SLC25A18: variants seen among roughly 807,000 people sequenced by gnomAD.
The protein encoded by SLC25A18 is mitochondrial glutamate carrier 2.
Under a neutral mutation model 31.1 loss-of-function variants are expected in SLC25A18, and 24 were observed. That is an observed-to-expected ratio of 0.77 (90% CI 0.56 to 1.08). The LOEUF (loss-of-function observed/expected upper bound fraction) is 1.08. Among genes scored for constraint, SLC25A18 ranks in the 50% least tolerant of loss-of-function variants. SLC25A18 has a pLI of 0.00. For missense variants in SLC25A18, 371 were observed against 418.5 expected (o/e 0.89, Z 0.99); for synonymous variants, 173 against 161.9 (o/e 1.07, Z -0.52).
Position 17,569,588 on chromosome 22 carries a change from C to T in SLC25A18, c.-263-336C>T, listed in dbSNP as rs745837829. 135 of 984,744 alleles carry T rather than the reference C, an allele frequency of 1.4e-4. 1 individual carries two copies. In the Middle Eastern group the frequency reaches 2.6e-3, roughly 19 times the overall value. 61.0% of individuals were successfully genotyped at this position (984,744 alleles called of 1,614,324 possible). On this transcript the variant is annotated intron_variant, in intron 1 of 10. Coordinates refer to ENST00000327451, the MANE Select transcript of SLC25A18 (RefSeq NM_031481.3). ...GCATTGATTTTCAGTGTTTGTCCTCCTCCCTGGCTTCCAGGTCTCTGAGTG... is the reference window on the plus strand; with the variant it reads ...GCATTGATTTTCAGTGTTTGTCCTCTTCCCTGGCTTCCAGGTCTCTGAGTG...
Position 17,587,220 on chromosome 22 carries a change from C to T in SLC25A18, c.494C>T (p.Ser165Phe). The T allele has an allele frequency of 6.2e-7, 1 of 1,614,164 alleles. No individual in the cohort carries two copies. The highest frequency in any genetic ancestry group is 8.5e-7 in the Non-Finnish European group (1 of 1,180,048). The stretch of plus-strand genomic sequence containing the variant: ...TCGGCTTCCACCCACAGGCGCCCCT[C>T]TGCCACCCTCATTGCCTGGGAGCTG... The part of the protein sequence containing the change: ...TGSASTHRRP[S>F]ATLIAWELLR... The change falls in exon 8 of 11, where the codon TCT becomes TTT. Residue 165 changes from serine (S) to phenylalanine (F), a missense_variant. Physicochemically the swap from Ser to Phe is radical, Grantham distance 155 (BLOSUM62 -2). Transcript: ENST00000327451.
At chr22:17,567,201 AC>A (rs1404874669) in intron 1 of SLC25A18, among the ~76,000 whole-genome samples, 1 of 152,186 alleles carries the variant, frequency 6.6e-6, no homozygotes, top group African/African-American at 2.4e-5. Flanking sequence ...GCATGTGAAT[AC>A]CTTTTATGTG....
intron 1 of SLC25A18, 143 bp downstream of exon 1, chr22:17,563,856 AG>A (rs2056866664): frequency 2.6e-6 from 1 of 381,042 alleles, no homozygotes; most frequent in Admixed American, 6.4e-5. Context: ...ACTGGACTCT[AG>A]TGAGGTGCTA....
chr22:17,588,151 A>C (rs1601350255), intron 9 of SLC25A18, 72 bp downstream of exon 9: 2 of 1,566,702 alleles, frequency 1.3e-6, no homozygotes, highest in Admixed American at 1.9e-5. Flanking sequence ...AAACAGCCTG[A>C]CCCTGGAAGC....
intron 1 of SLC25A18, among the ~76,000 whole-genome samples, chr22:17,568,260 G>A (rs1569174875): frequency 6.6e-6 from 1 of 151,590 alleles, no homozygotes; most frequent in Non-Finnish European, 1.5e-5. Flanking sequence ...CCAGCTACTC[G>A]GGAGGCTGAG....
intron 2 of SLC25A18, chr22:17,570,298 GGGACGT>G (rs1601267042): frequency 1.3e-5 from 2 of 152,354 alleles, no homozygotes; most frequent in African/African-American, 4.8e-5. Flanking sequence ...GAAGTAGGCG[GGGACGT>G]GGTCATCACC....
chr22:17,567,152 A>T (rs1290096793), intron 1 of SLC25A18, among the ~76,000 whole-genome samples: 1 of 152,232 alleles, frequency 6.6e-6, no homozygotes, highest in South Asian at 2.1e-4. Flanking sequence ...ACAGAGCAAG[A>T]CACTGTCTCA....
In SLC25A18 at chr22:17,587,130, T is replaced by A. The variant is rs2057572812; in HGVS notation, c.410-6T>A. On this transcript the variant is annotated splice_region_variant and splice_polypyrimidine_tract_variant and intron_variant, in intron 7 of 10. Transcript: ENST00000327451. ...CAGGTACTGATGTCTGTCCTTTCCC[T>A]TCCAGCCGTCCATCATCAGGGCTCG... is the stretch of plus-strand genomic sequence containing the variant. 1 of 1,613,446 alleles carries A rather than the reference T, an allele frequency of 6.2e-7. No homozygotes were observed. The highest frequency in any genetic ancestry group is 1.3e-5 in the African/African-American group (1 of 74,916).
chr22:17,572,770 T>A (rs2057129883), intron 2 of SLC25A18, among the ~76,000 whole-genome samples: 1 of 144,314 alleles, frequency 6.9e-6, no homozygotes, highest in Non-Finnish European at 1.5e-5. Context: ...GCCTCCCGAG[T>A]AGCTGGGACT....
At chr22:17,572,492 A>AG (rs1280936135) in intron 2 of SLC25A18, among the ~76,000 whole-genome samples, 2 of 151,018 alleles carry the variant, frequency 1.3e-5, no homozygotes, top group Non-Finnish European at 2.9e-5. Context: ...TCTCAAAAAA[A>AG]AAAAAAAGAA....
chr22:17,569,400 C>T (rs999663398), intron 1 of SLC25A18, among the ~76,000 whole-genome samples: 1 of 152,168 alleles, frequency 6.6e-6, no homozygotes, highest in African/African-American at 2.4e-5. Context: ...CACGTGATAG[C>T]CCCCAACAAA....
intron 2 of SLC25A18, among the ~76,000 whole-genome samples, chr22:17,578,204 C>T (rs956424938): frequency 1.5e-4 from 23 of 152,128 alleles, no homozygotes; most frequent in African/African-American, 5.3e-4. Flanking sequence ...CTCCTGGGCT[C>T]AGGCGATCCA....
intron 10 of SLC25A18, 62 bp downstream of exon 10, chr22:17,589,727 T>A: frequency 6.6e-7 from 1 of 1,507,942 alleles, no homozygotes; most frequent in Non-Finnish European, 9.2e-7. Flanking sequence ...GGTGTCTGCC[T>A]AGACCAGATT....
rs8141307 is a variant in SLC25A18, at chr22:17,584,805, A to T, written c.409+1271A>T. On this transcript the variant is annotated intron_variant, in intron 7 of 10. Transcript: ENST00000327451. The stretch of plus-strand genomic sequence containing the variant: ...TCAAAAAAAAAAAAAAAAAAAAAAA[A>T]AAAGAAATGCCAATGACTGGCTCAC... 2.3e-3 allele frequency among the ~76,000 whole-genome samples: 351 copies of T among 151,378 alleles called. 1 individual carries two copies. Among genetic ancestry groups the T allele is most frequent in the African/African-American group, 4.7e-3 (194 of 41,266 alleles).
At chr22:17,579,336 C>T (rs2057313217) in intron 2 of SLC25A18, among the ~76,000 whole-genome samples, 1 of 152,184 alleles carries the variant, frequency 6.6e-6, no homozygotes, top group Non-Finnish European at 1.5e-5. Flanking sequence ...ATCCGCCCGC[C>T]TCGGCCTCCC....
chr22:17,570,571 G>A lies in SLC25A18; in HGVS notation c.-201+585G>A, dbSNP rs409842. ...ATGATGGCGGCTCACCGCAACCTCC[G>A]CCTCCTGGGTTCAAGCAATTCTCCT... On this transcript the variant is annotated intron_variant, in intron 2 of 10. Coordinates refer to ENST00000327451, the MANE Select transcript of SLC25A18 (RefSeq NM_031481.3). Among the ~76,000 whole-genome samples, 17 of 152,118 alleles carry A rather than the reference G, an allele frequency of 1.1e-4. No individual in the cohort carries two copies. In the East Asian group the frequency reaches 2.9e-3, roughly 26 times the overall value.
chr22:17,579,440 A>C (rs1002377048), intron 2 of SLC25A18, among the ~76,000 whole-genome samples: 13 of 152,222 alleles, frequency 8.5e-5, no homozygotes, highest in African/African-American at 3.1e-4. Flanking sequence ...TTCCTAGTTC[A>C]TAGCAACTCC....
At chr22:17,584,186 G>C (rs899353220) in intron 7 of SLC25A18, 1 of 437,454 alleles carries the variant, frequency 2.3e-6, no homozygotes, top group Non-Finnish European at 3.0e-6. Flanking sequence ...GAGGTCAGAA[G>C]ATTGAGACCA....
rs2057677232 is a variant in SLC25A18 at position 17,590,118 on chromosome 22, C to T, written c.830C>T (p.Pro277Leu). The T allele has an allele frequency of 6.2e-7, 1 of 1,614,212 alleles. No individual in the cohort carries two copies. Among genetic ancestry groups the T allele is most frequent in the Admixed American group, 1.7e-5 (1 of 60,028 alleles). ...AGGAAACTCTGGATTCAGGAGGGACCATCTGCCTTCATGAAAGGCGCTGGC... is the reference window on the plus strand; with the variant it reads ...AGGAAACTCTGGATTCAGGAGGGACTATCTGCCTTCATGAAAGGCGCTGGC... ...CARKLWIQEG[P>L]SAFMKGAGCR... The change falls in exon 11 of 11, where the codon CCA (proline) becomes CTA (leucine). Residue 277 changes from proline (P) to leucine (L), a missense_variant. By Grantham distance (98) the Pro-to-Leu change is moderately conservative. Transcript: ENST00000327451.
Sources: gnomAD v4.1 joint callset for allele counts (sites outside exome capture counted in the v4.1 genomes callset) on GRCh38, gnomAD v4.1.1 for gene constraint, MANE v1.5 for transcripts, NCBI Gene and HGNC (gene_info 2026-07-23, HGNC 2026-07-21) for gene names.